Variants in PMS2 observed in about 807,000 individuals in gnomAD.
The protein encoded by PMS2 is PMS1 homolog 2, mismatch repair system component.
PMS2 carries 69 observed loss-of-function variants against 90.0 expected under a neutral mutation model. The ratio of observed to expected loss-of-function variants is 0.77; its 90% CI spans 0.63 to 0.94. PMS2 has a LOEUF of 0.94. Ranked by LOEUF, PMS2 falls within the 40% of genes least tolerant of loss-of-function variation. PMS2 has a pLI of 0.00. For missense variants in PMS2, 966 were observed against 1,040.2 expected, an observed-to-expected ratio of 0.93 and a Z score of 0.98; for synonymous variants, 332 against 375.1, an observed-to-expected ratio of 0.89 and a Z score of 1.33.
rs587780048 is a variant in PMS2, at chr7:6,009,000, G to C, written c.20C>G (p.Ser7Trp). MERAES[S>W]STEPAKAIKP... ...GAAGACTGCGAGCCCCGCTCACCTC[G>C]AGCTCTCAGCTCGCTCCATGGATGC... is the stretch of plus-strand genomic sequence containing the variant. Residue 7 changes from serine (S) to tryptophan (W), a missense_variant, in exon 1 of 15, where the codon TCG (serine) becomes TGG (tryptophan). Around this residue, in one of 2 missense-constraint regions of PMS2, gnomAD observed 871 missense variants for 802.4 expected, o/e 1.09. Transcript: ENST00000265849. 8 of 1,612,632 alleles carry C rather than the reference G, an allele frequency of 5.0e-6. No individual in the cohort carries two copies. The South Asian group carries it at 7.7e-5, about 16-fold the overall frequency.
intron 8 of PMS2, 114 bp downstream of exon 8, chr7:5,995,420 A>G (rs1347428870): frequency 8.3e-6 from 6 of 724,744 alleles, no homozygotes; most frequent in Non-Finnish European, 1.5e-5. Context: ...ATAATGTTAA[A>G]GCCATGTTTC....
upstream of PMS2, chr7:6,009,099 C>G: frequency 6.6e-7 from 1 of 1,519,976 alleles, no homozygotes; most frequent in African/African-American, 1.4e-5. Context: ...CCTGAACTCC[C>G]ATTGGCTGCT....
intron 10 of PMS2, among the ~76,000 whole-genome samples, chr7:5,988,991 G>C (rs1342392347): frequency 6.6e-6 from 1 of 152,058 alleles, no homozygotes; most frequent in Non-Finnish European, 1.5e-5. Flanking sequence ...GAGTAGCTGG[G>C]ACTACAGGCG....
Position 5,972,498 on chromosome 7 carries a change from A to C in PMS2, c.*901T>G. Reference sequence around the variant, plus strand: ...TGTTCTACAGTTCACATCCTGAGGAAACCAAATCACAGCATCAAATTATGG... The same window carrying C: ...TGTTCTACAGTTCACATCCTGAGGACACCAAATCACAGCATCAAATTATGG... On this transcript the variant is annotated 3_prime_UTR_variant, in exon 15 of 15. Transcript: ENST00000265849. Among the ~76,000 whole-genome samples, 1 of 90,774 alleles carries C rather than the reference A, an allele frequency of 1.1e-5. No individual in the cohort carries two copies. Among genetic ancestry groups the C allele is most frequent in the African/African-American group, 4.7e-5 (1 of 21,164 alleles). 59.6% of individuals were successfully genotyped at this position (90,774 alleles called of 152,430 possible).
rs752268571 is a variant in PMS2 at position 5,989,907 on chromosome 7, T to C, written c.1037A>G (p.Gln346Arg). The C allele has an allele frequency of 2.9e-5, 46 of 1,611,994 alleles. No individual in the cohort carries two copies. The South Asian group carries it at 4.7e-4, about 17-fold the overall frequency. Residue 346 changes from glutamine (Q) to arginine (R), a missense_variant, in exon 10 of 15, where the codon CAA (glutamine) becomes CGA (arginine). Gln to Arg is a conservative substitution (Grantham distance 43). Around this residue, in one of 2 missense-constraint regions of PMS2, gnomAD observed 871 missense variants for 802.4 expected, o/e 1.09. Transcript: ENST00000265849. ...VTPDKRQILLQEEKLLLAVLK... is the reference protein window; with the variant it reads ...VTPDKRQILLREEKLLLAVLK... Reference sequence around the variant, plus strand: ...AACTGCCAACAAAAGCTTTTCCTCTTGTAGCAAAATTTGCCTTTTATCTGG... The same window carrying C: ...AACTGCCAACAAAAGCTTTTCCTCTCGTAGCAAAATTTGCCTTTTATCTGG...
At chr7:6,000,918 G>C (rs985243686) in intron 5 of PMS2, among the ~76,000 whole-genome samples, 28 of 152,132 alleles carry the variant, frequency 1.8e-4, no homozygotes, top group African/African-American at 6.3e-4. Flanking sequence ...TTGAACCCAG[G>C]AGGTGGAGGT....
intron 2 of PMS2, 49 bp downstream of exon 2, chr7:6,005,843 A>G (rs2128842805): frequency 6.2e-7 from 1 of 1,609,290 alleles, no homozygotes; most frequent in Non-Finnish European, 8.5e-7. Flanking sequence ...CTTAACTACA[A>G]CAACATTCAC....
intron 8 of PMS2, 55 bp downstream of exon 8, chr7:5,995,479 T>A (rs1348244024): frequency 9.2e-6 from 10 of 1,083,070 alleles, no homozygotes; most frequent in African/African-American, 1.5e-5. Flanking sequence ...AAAAAAGTTA[T>A]CAATTAAAAG....
At position 5,978,933 on chromosome 7, in the gene PMS2, G is replaced by A. The variant is rs937722938; in HGVS notation, c.2175-237C>T. On this transcript the variant is annotated intron_variant, in intron 12 of 14. Transcript: ENST00000265849. ...CTACAGGCCAGGTGCGGTGGCTCAC[G>A]CCTGTAATCTCAGCACTTTAGGAGC... Among the ~76,000 whole-genome samples, 9 of 149,060 alleles carry A rather than the reference G, an allele frequency of 6.0e-5. 2 individuals are homozygous for A. The highest frequency in any genetic ancestry group is 7.6e-5 in the African/African-American group (3 of 39,536).
intron 2 of PMS2, among the ~76,000 whole-genome samples, chr7:6,004,731 A>AG (rs1785519078): frequency 6.6e-6 from 1 of 151,774 alleles, no homozygotes; most frequent in Non-Finnish European, 1.5e-5. Context: ...AAAAAAAAAA[A>AG]AGAGAATGGG....
rs1554303917 is a variant in PMS2 at position 6,002,508 on chromosome 7, T to G, written c.482A>C (p.Gln161Pro). The G allele has an allele frequency of 6.2e-7, 1 of 1,611,784 alleles. No individual in the cohort carries two copies. The highest frequency in any genetic ancestry group is 8.5e-7 in the Non-Finnish European group (1 of 1,179,666). Reference protein sequence around the residue: ...RPRGTTVSVQQLFSTLPVRHK... With the variant: ...RPRGTTVSVQPLFSTLPVRHK... ...GCGCACAGGTAGTGTGGAAAATAAC[T>G]GCTGCACGCTGACTGTGGTCCCTCT... Residue 161 changes from glutamine (Q) to proline (P), a missense_variant, in exon 5 of 15, where the codon CAG becomes CCG. Transcript: ENST00000265849.
intron 12 of PMS2, among the ~76,000 whole-genome samples, chr7:5,979,524 T>A (rs2128689507): frequency 6.7e-6 from 1 of 150,288 alleles, no homozygotes; most frequent in South Asian, 2.1e-4. Context: ...TTTTTCCTCC[T>A]TCTAATACAG....
Position 6,005,997 on chromosome 7 carries a change from G to A in PMS2, c.58C>T (p.Arg20Trp), listed in dbSNP as rs573374779. The A allele has an allele frequency of 5.5e-5, 88 of 1,610,668 alleles. No homozygotes were observed. In the South Asian group the frequency reaches 5.9e-4, roughly 11 times the overall value. Residue 20 changes from arginine (R) to tryptophan (W), a missense_variant, in exon 2 of 15, where the codon CGG becomes TGG. By Grantham distance (101) the Arg-to-Trp change is moderately radical (BLOSUM62 -3). Coordinates refer to ENST00000265849, the MANE Select transcript of PMS2 (RefSeq NM_000535.7). ...GAGCAAATCTGATGGACTGACTTCCGATCAATAGGTTTGATGGCCTTAGCA... is the reference window on the plus strand; with the variant it reads ...GAGCAAATCTGATGGACTGACTTCCAATCAATAGGTTTGATGGCCTTAGCA... ...EPAKAIKPID[R>W]KSVHQICSGQ...
chr7:5,995,981 C>T (rs1053071888), intron 7 of PMS2, among the ~76,000 whole-genome samples: 4 of 152,110 alleles, frequency 2.6e-5, no homozygotes, highest in South Asian at 2.1e-4. Context: ...TGCTGCCACC[C>T]CTGGTTTGTC....
chr7:5,978,572 C>T (rs1452264516), intron 13 of PMS2, 24 bp downstream of exon 13: 2 of 1,583,008 alleles, frequency 1.3e-6, no homozygotes, highest in Non-Finnish European at 1.7e-6. Context: ...CACCCAGCCG[C>T]TATAGTTCTA....
At chr7:6,005,845 A>G (rs1424826720) in intron 2 of PMS2, 47 bp downstream of exon 2, 1 of 1,609,994 alleles carries the variant, frequency 6.2e-7, no homozygotes, top group Non-Finnish European at 8.5e-7. Context: ...TAACTACAAC[A>G]ACATTCACAG....
rs371011390 is a variant in PMS2, at chr7:6,004,056, G to A, written c.166C>T (p.Leu56=). Residue 56 remains leucine, a splice_region_variant and synonymous_variant, in exon 3 of 15, where the codon CTA becomes TTA. Coordinates refer to ENST00000265849, the MANE Select transcript of PMS2 (RefSeq NM_000535.7). ...TCCACTCCATAGTCCTTAAGCTTTA[G>A]ATCTAGAAAGTTTAAAATATTTACA... ...SLDAGATNID[L]KLKDYGVDLI... The A allele has an allele frequency of 6.5e-7, 1 of 1,527,656 alleles. No homozygotes were observed. Among genetic ancestry groups the A allele is most frequent in the South Asian group, 1.1e-5 (1 of 88,330 alleles). 94.6% of individuals were successfully genotyped at this position (1,527,656 alleles called of 1,614,324 possible). A position where few individuals can be genotyped will look rare whatever the true frequency, so the allele number is the denominator to read the frequency against.
intron 2 of PMS2, among the ~76,000 whole-genome samples, chr7:6,005,519 T>C (rs928363452): frequency 6.6e-6 from 1 of 152,150 alleles, no homozygotes; most frequent in Non-Finnish European, 1.5e-5. Flanking sequence ...TATTTTTCAA[T>C]AGAGACAAGG....
At chr7:5,993,690 G>A (rs750679004) in intron 8 of PMS2, among the ~76,000 whole-genome samples, 6 of 150,642 alleles carry the variant, frequency 4.0e-5, no homozygotes, top group South Asian at 2.1e-4. Context: ...GTGAAACCCC[G>A]TATCTACTAA....
Sources: allele counts gnomAD v4.1 joint callset (sites outside exome capture counted in the v4.1 genomes callset), GRCh38; gene constraint gnomAD v4.1.1; regional missense constraint gnomAD v4.1.1; transcripts MANE v1.5; gene names NCBI Gene and HGNC (gene_info 2026-07-23, HGNC 2026-07-21).